The following LRCH2 variants were observed in gnomAD, a reference collection of about 807,000 sequenced individuals.
LRCH2 encodes leucine-rich repeat and calponin homology domain-containing protein 2.
LRCH2 carries 38 observed loss-of-function variants against 68.9 expected under a neutral mutation model. The observed-to-expected ratio is 0.55, with a 90% CI of 0.43 to 0.72. LRCH2 has a LOEUF of 0.72. LRCH2 is among the 30% of genes least tolerant of loss of function. LRCH2 has a pLI of 0.00. For synonymous variants in LRCH2, 191 were observed against 208.1 expected (o/e 0.92, Z 0.71); for missense variants, 528 against 572.9 (o/e 0.92, Z 0.80).
chrX:115,120,770 C>A (rs1446435744), intron 20 of LRCH2, among the ~76,000 whole-genome samples: 26 of 104,831 alleles, frequency 2.5e-4, no homozygotes, highest in African/African-American at 8.4e-4. Flanking sequence ...TGGAACCAAC[C>A]CAAATGTCCA....
intron 1 of LRCH2, among the ~76,000 whole-genome samples, chrX:115,210,161 C>T (rs2072996699): frequency 1.8e-5 from 2 of 112,024 alleles, no homozygotes; most frequent in African/African-American, 3.2e-5. Flanking sequence ...GAATGTTAAT[C>T]CCCAAGAAAA....
intron 1 of LRCH2, among the ~76,000 whole-genome samples, chrX:115,226,574 T>C (rs1273239194): frequency 9.0e-6 from 1 of 110,917 alleles, no homozygotes; most frequent in East Asian, 2.9e-4. Flanking sequence ...AGGTAAGGAA[T>C]AGAGGAGAAT....
intron 1 of LRCH2, among the ~76,000 whole-genome samples, chrX:115,194,140 GATAC>G (rs1362257389): frequency 9.0e-6 from 1 of 111,007 alleles, no homozygotes; most frequent in Non-Finnish European, 1.9e-5. Flanking sequence ...AATATATAGA[GATAC>G]ATATAGAGAA....
chrX:115,174,601 C>A (rs73223002), intron 5 of LRCH2, among the ~76,000 whole-genome samples: 23,076 of 66,541 alleles, frequency 0.35, 2,156 homozygotes, highest in Middle Eastern at 0.42. Flanking sequence ...ACCCCCCCCC[C>A]CACACACACA....
chrX:115,225,818 T>C (rs1460958685), intron 1 of LRCH2, among the ~76,000 whole-genome samples: 1 of 111,585 alleles, frequency 9.0e-6, no homozygotes, highest in Non-Finnish European at 1.9e-5. Flanking sequence ...GAAAGACATA[T>C]GACCAACAGA....
intron 5 of LRCH2, among the ~76,000 whole-genome samples, 198 bp downstream of exon 5, chrX:115,179,229 G>A (rs1226586602): frequency 9.0e-6 from 1 of 111,294 alleles, no homozygotes; most frequent in Non-Finnish European, 1.9e-5. Flanking sequence ...TTATTATCTG[G>A]GTTTTCCAAA....
At chrX:115,210,238 G>A (rs1556569560) in intron 1 of LRCH2, among the ~76,000 whole-genome samples, 1 of 111,453 alleles carries the variant, frequency 9.0e-6, no homozygotes, top group African/African-American at 3.3e-5. Context: ...AGGACTGAAG[G>A]CCTAGGATGA....
intron 1 of LRCH2, among the ~76,000 whole-genome samples, chrX:115,196,697 C>T (rs1224353934): frequency 1.8e-5 from 2 of 111,594 alleles, no homozygotes; most frequent in African/African-American, 6.5e-5. Flanking sequence ...ACTTCCAACA[C>T]AAGAGCACAG....
intron 11 of LRCH2, among the ~76,000 whole-genome samples, chrX:115,158,460 C>T (rs182047398): frequency 8.9e-6 from 1 of 112,116 alleles, no homozygotes; most frequent in African/African-American, 3.2e-5. Context: ...GAAATGTTCA[C>T]ATGATCAGGG....
chrX:115,149,141 A>G (rs1229791723), intron 14 of LRCH2, among the ~76,000 whole-genome samples: 3 of 111,825 alleles, frequency 2.7e-5, no homozygotes, highest in African/African-American at 9.7e-5. Context: ...GCTTGTTTGT[A>G]CTATTCATTT....
At chrX:115,192,304 C>T (rs1320429834) in intron 1 of LRCH2, 2 of 1,160,334 alleles carry the variant, frequency 1.7e-6, no homozygotes, top group Non-Finnish European at 2.3e-6. Flanking sequence ...GTACCGAGGC[C>T]CCTCGCCTGA....
chrX:115,201,728 G>A (rs1036949176), intron 1 of LRCH2, among the ~76,000 whole-genome samples: 4 of 111,828 alleles, frequency 3.6e-5, no homozygotes, highest in East Asian at 2.8e-4. Context: ...TGAAAGTATC[G>A]CAGATTGCTG....
Position 115,234,048 on chromosome X carries a change from G to T in LRCH2, c.-7C>A, listed in dbSNP as rs1411626891. On this transcript the variant is annotated 5_prime_UTR_variant, in exon 1 of 21. Coordinates refer to ENST00000317135, the MANE Select transcript of LRCH2 (RefSeq NM_020871.4). ...CTCCCTGACTCGCCGCCATGTTCCT[G>T]GGAGAGAGAATAGCCCCCGACAATA... is the stretch of plus-strand genomic sequence containing the variant. The T allele has an allele frequency of 1.2e-5, 14 of 1,158,196 alleles. No individual in the cohort carries two copies. In the African/African-American group the frequency reaches 2.2e-4, roughly 18 times the overall value.
At chrX:115,167,214 A>AC (rs2072568655) in intron 6 of LRCH2, among the ~76,000 whole-genome samples, 1 of 103,242 alleles carries the variant, frequency 9.7e-6, no homozygotes. Flanking sequence ...AAAAAAAAAA[A>AC]AAAAACAATA....
At chrX:115,128,065 T>C (rs972414602) in intron 15 of LRCH2, among the ~76,000 whole-genome samples, 1 of 112,114 alleles carries the variant, frequency 8.9e-6, no homozygotes, top group African/African-American at 3.2e-5. Flanking sequence ...AAGGAAGTTA[T>C]TGCAGTAGAA....
At chrX:115,221,924 A>G (rs1375597878) in intron 1 of LRCH2, among the ~76,000 whole-genome samples, 3 of 108,792 alleles carry the variant, frequency 2.8e-5, no homozygotes, top group Non-Finnish European at 5.7e-5. Context: ...AAAGCCAAAG[A>G]AGGATATTAA....
chrX:115,178,250 G>C (rs930392418), intron 5 of LRCH2, among the ~76,000 whole-genome samples: 2 of 111,911 alleles, frequency 1.8e-5, no homozygotes, highest in East Asian at 2.8e-4. Context: ...AAGAATCTGA[G>C]GGTGTAAATC....
chrX:115,133,545 G>C (rs2072264200), intron 14 of LRCH2, among the ~76,000 whole-genome samples: 1 of 111,770 alleles, frequency 8.9e-6, no homozygotes, highest in Admixed American at 9.5e-5. Flanking sequence ...CAAGTCTATT[G>C]GTGTCATTTT....
intron 16 of LRCH2, 84 bp from the exon 17 acceptor site, chrX:115,124,086 A>T (rs1383825273): frequency 1.4e-4 from 69 of 506,835 alleles, no homozygotes; most frequent in Non-Finnish European, 2.0e-4. Context: ...ATTCACATCC[A>T]TTCCAATTTG....
Sources: allele counts gnomAD v4.1 joint callset (sites outside exome capture counted in the v4.1 genomes callset), GRCh38; gene constraint gnomAD v4.1.1; transcripts MANE v1.5; gene names NCBI Gene and HGNC (gene_info 2026-07-23, HGNC 2026-07-21).